PGS1: variants seen among roughly 807,000 people sequenced by gnomAD.
PGS1 encodes the protein phosphatidylglycerophosphate synthase 1, also known as CDP-diacylglycerol--glycerol-3-phosphate 3-phosphatidyltransferase, mitochondrial.
In PGS1, 44 loss-of-function variants were observed where a neutral mutation model predicts 58.3. That is an observed-to-expected ratio of 0.75 (90% confidence interval 0.59 to 0.97). PGS1 has a LOEUF of 0.97. Ranked by LOEUF, PGS1 falls within the 50% of genes least tolerant of loss-of-function variation. The pLI, the probability that PGS1 is intolerant of heterozygous loss-of-function variation, is 0.00. For missense variants in PGS1, 684 were observed against 731.1 expected, an observed-to-expected ratio of 0.94 and a Z score of 0.74; for synonymous variants, 330 against 311.0, an observed-to-expected ratio of 1.06 and a Z score of -0.64.
At chr17:78,404,205 C>T in intron 7 of PGS1, 116 bp downstream of exon 7, 1 of 1,161,514 alleles carries the variant, frequency 8.6e-7, no homozygotes, top group Admixed American at 2.9e-5. Context: ...TTCCTACCTT[C>T]CCAGCAGCCC....
intron 1 of PGS1, among the ~76,000 whole-genome samples, chr17:78,391,007 C>T (rs2082783563): frequency 6.6e-6 from 1 of 152,052 alleles, no homozygotes; most frequent in South Asian, 2.1e-4. Context: ...GTGGCACCAT[C>T]TCAGCTCACT....
chr17:78,422,349 C>T lies in PGS1; in HGVS notation c.*11-1712C>T, dbSNP rs146832174. ...TTTTCCCTCCGATAGCCCTACTGGG[C>T]GCTAAGATTGTTGTGAATCATTACC... On this transcript the variant is annotated intron_variant, in intron 9 of 9. Transcript: ENST00000262764. Among the ~76,000 whole-genome samples the T allele has an allele frequency of 1.0e-3, 156 of 152,210 alleles. 1 individual carries two copies. In the East Asian group the frequency reaches 0.021, roughly 21 times the overall value.
chr17:78,406,152 T>TA (rs1172073468), intron 7 of PGS1, among the ~76,000 whole-genome samples: 37 of 152,014 alleles, frequency 2.4e-4, no homozygotes, highest in Middle Eastern at 3.4e-3. Context: ...CTGTTTCTAC[T>TA]AAAAAAATAC....
intron 9 of PGS1, among the ~76,000 whole-genome samples, chr17:78,422,851 T>C (rs750828028): frequency 3.3e-5 from 5 of 152,110 alleles, no homozygotes; most frequent in African/African-American, 4.8e-5. Flanking sequence ...ATCCTGGCGC[T>C]TTGGGAGGCC....
intron 7 of PGS1, 149 bp downstream of exon 7, chr17:78,404,238 C>G: frequency 1.2e-6 from 1 of 821,984 alleles, no homozygotes; most frequent in South Asian, 2.0e-5. Flanking sequence ...CATAGCTGTC[C>G]CATGACTTGG....
chr17:78,404,139 A>G, intron 7 of PGS1, 50 bp downstream of exon 7: 3 of 1,463,988 alleles, frequency 2.0e-6, no homozygotes, highest in Non-Finnish European at 2.7e-6. Flanking sequence ...AGCCACAAAC[A>G]TGGGCAGGGG....
chr17:78,381,232 G>T (rs181542431), intron 1 of PGS1, among the ~76,000 whole-genome samples: 1 of 152,164 alleles, frequency 6.6e-6, no homozygotes. Flanking sequence ...TGTAAATTGT[G>T]TGAGTGGATG....
chr17:78,378,945 G>C, intron 1 of PGS1, 137 bp downstream of exon 1: 2 of 963,048 alleles, frequency 2.1e-6, no homozygotes, highest in Non-Finnish European at 2.8e-6. Flanking sequence ...TCTGCCTCCC[G>C]GGGCTCGGCG....
chr17:78,404,627 TGTG>T (rs2083969630), intron 7 of PGS1, among the ~76,000 whole-genome samples: 1 of 152,116 alleles, frequency 6.6e-6, no homozygotes, highest in Admixed American at 6.6e-5. Flanking sequence ...GTGGTAAAGA[TGTG>T]GTGACATAAC....
intron 7 of PGS1, among the ~76,000 whole-genome samples, chr17:78,412,783 C>T (rs911317625): frequency 1.3e-5 from 2 of 152,186 alleles, no homozygotes; most frequent in African/African-American, 4.8e-5. Flanking sequence ...GGAGATCCAG[C>T]TGGACAAGCC....
chr17:78,391,678 A>G (rs1363620034), intron 1 of PGS1, among the ~76,000 whole-genome samples: 3 of 152,068 alleles, frequency 2.0e-5, no homozygotes, highest in Admixed American at 1.3e-4. Context: ...GGGTTTCACC[A>G]TATTGGTCAG....
chr17:78,396,316 A>G lies in PGS1; in HGVS notation c.342A>G (p.Ile114Met), dbSNP rs1004229317. The G allele has an allele frequency of 6.2e-7, 1 of 1,612,846 alleles. No individual in the cohort carries two copies. Among genetic ancestry groups the G allele is most frequent in the Non-Finnish European group, 8.5e-7 (1 of 1,178,970 alleles). ...AEFFELMKGQIRVAKRRVVMA... is the reference protein window; with the variant it reads ...AEFFELMKGQMRVAKRRVVMA... ...TTTTTCTCCTCTCTCAGGGGCAGATAAGAGTAGCCAAGAGGCGGGTCGTGA... is the reference window on the plus strand; with the variant it reads ...TTTTTCTCCTCTCTCAGGGGCAGATGAGAGTAGCCAAGAGGCGGGTCGTGA... The change falls in exon 3 of 10, where the codon ATA (isoleucine) becomes ATG (methionine). Residue 114 changes from isoleucine to methionine, a missense_variant. Ile to Met is a conservative substitution (Grantham distance 10). Coordinates refer to ENST00000262764, the MANE Select transcript of PGS1 (RefSeq NM_024419.5).
At chr17:78,391,237 C>T (rs1265703209) in intron 1 of PGS1, among the ~76,000 whole-genome samples, 3 of 151,390 alleles carry the variant, frequency 2.0e-5, no homozygotes, top group South Asian at 2.1e-4. Context: ...CGTGAGCCAC[C>T]GTGCGCGGCC....
chr17:78,386,462 C>T (rs2082392429), intron 1 of PGS1, among the ~76,000 whole-genome samples: 1 of 152,184 alleles, frequency 6.6e-6, no homozygotes, highest in African/African-American at 2.4e-5. Flanking sequence ...CCACCACTTC[C>T]TCCTTCCCAT....
intron 7 of PGS1, 152 bp downstream of exon 7, chr17:78,404,241 T>C (rs1258707019): frequency 1.3e-6 from 1 of 773,054 alleles, no homozygotes; most frequent in Non-Finnish European, 2.0e-6. Flanking sequence ...AGCTGTCCCA[T>C]GACTTGGGGA....
chr17:78,403,636 C>T lies in PGS1; in HGVS notation c.949C>T (p.Arg317Cys), dbSNP rs1430932782. 3 of 1,614,180 alleles carry T rather than the reference C, an allele frequency of 1.9e-6. No homozygotes were observed. The highest frequency in any genetic ancestry group is 2.2e-5 in the East Asian group (1 of 44,892). Residue 317 changes from arginine to cysteine, a missense_variant, in exon 7 of 10, where the codon CGC becomes TGC. By Grantham distance (180) the Arg-to-Cys change is radical. Coordinates refer to ENST00000262764, the MANE Select transcript of PGS1 (RefSeq NM_024419.5). ...VMDVINSART[R>C]QQMLHAQTFH... is the part of the protein sequence containing the mutation. ...GGATGTGATCAACTCAGCCAGGACC[C>T]GCCAGCAGATGCTGCATGCCCAGAC... is the stretch of plus-strand genomic sequence containing the variant.
intron 9 of PGS1, among the ~76,000 whole-genome samples, chr17:78,423,276 C>T (rs2086098164): frequency 2.6e-5 from 4 of 152,302 alleles, no homozygotes; most frequent in Admixed American, 6.5e-5. Context: ...CTGCATCAGC[C>T]CAGCCACAGA....
intron 1 of PGS1, among the ~76,000 whole-genome samples, chr17:78,387,598 CT>C (rs34252361): frequency 0.43 from 44,320 of 103,888 alleles, 7,938 homozygotes; most frequent in Admixed American, 0.51. Context: ...CGCGCCCAGC[CT>C]TTTTTTTTTT....
intron 7 of PGS1, among the ~76,000 whole-genome samples, chr17:78,409,815 C>G (rs906404066): frequency 6.6e-6 from 1 of 152,188 alleles, no homozygotes; most frequent in Non-Finnish European, 1.5e-5. Flanking sequence ...ACACTTCTGC[C>G]TTAGAACTGC....
Sources: allele counts gnomAD v4.1 joint callset (sites outside exome capture counted in the v4.1 genomes callset), GRCh38; gene constraint gnomAD v4.1.1; transcripts MANE v1.5; gene names NCBI Gene and HGNC (gene_info 2026-07-23, HGNC 2026-07-21).